Variants in TTLL11 observed in about 807,000 individuals in gnomAD.
TTLL11 encodes the protein tubulin polyglutamylase TTLL11.
In TTLL11, 42 loss-of-function variants were observed where a neutral mutation model predicts 51.7. That is an observed-to-expected ratio of 0.81 (90% CI 0.64 to 1.05). The LOEUF (loss-of-function observed/expected upper bound fraction) is 1.05. TTLL11 is among the 50% of genes least tolerant of loss of function. The pLI is 0.00. For synonymous variants in TTLL11, 381 were observed against 383.5 expected, an observed-to-expected ratio of 0.99 and a Z score of 0.08; for missense variants, 799 against 940.4, an observed-to-expected ratio of 0.85 and a Z score of 1.97.
intron 4 of TTLL11, among the ~76,000 whole-genome samples, chr9:121,982,027 C>G (rs973813484): frequency 6.6e-6 from 1 of 152,216 alleles, no homozygotes; most frequent in Non-Finnish European, 1.5e-5. Flanking sequence ...TTCTGGAGCT[C>G]TTTTCCTGCT....
intron 6 of TTLL11, among the ~76,000 whole-genome samples, chr9:121,959,888 T>C (rs911568282): frequency 2.0e-5 from 3 of 152,000 alleles, no homozygotes; most frequent in African/African-American, 7.2e-5. Context: ...GTATTATACA[T>C]TGGACTTCTT....
At chr9:121,871,769 T>A (rs963046822) in intron 6 of TTLL11, among the ~76,000 whole-genome samples, 2 of 152,168 alleles carry the variant, frequency 1.3e-5, no homozygotes, top group Non-Finnish European at 2.9e-5. Context: ...AGGCACACAG[T>A]TCCAGCCCAA....
intron 8 of TTLL11, among the ~76,000 whole-genome samples, chr9:121,824,391 G>A (rs1188425415): frequency 4.0e-5 from 6 of 149,382 alleles, no homozygotes; most frequent in Admixed American, 6.8e-5. Flanking sequence ...AGGGGGAAAC[G>A]CTTGAACCAG....
At chr9:121,826,770 G>C (rs1449396235) in intron 8 of TTLL11, among the ~76,000 whole-genome samples, 2 of 151,726 alleles carry the variant, frequency 1.3e-5, no homozygotes, top group African/African-American at 2.4e-5. Context: ...CTAGGGGTTG[G>C]GGGCATCGGT....
chr9:121,879,707 C>T (rs1838703767), intron 6 of TTLL11, among the ~76,000 whole-genome samples: 1 of 151,850 alleles, frequency 6.6e-6, no homozygotes, highest in Non-Finnish European at 1.5e-5. Context: ...TGGCTCAAGC[C>T]TATAATCCTA....
intron 3 of TTLL11, among the ~76,000 whole-genome samples, chr9:122,017,561 C>T (rs1844024855): frequency 6.8e-6 from 1 of 146,986 alleles, no homozygotes; most frequent in Non-Finnish European, 1.5e-5. Flanking sequence ...CTTCCTGTTT[C>T]AAACAATTCT....
chr9:121,835,754 G>A lies in TTLL11; in HGVS notation c.1841-12875C>T, dbSNP rs148508004. Among the ~76,000 whole-genome samples the A allele has an allele frequency of 3.9e-3, 593 of 152,284 alleles. 7 individuals are homozygous for A. The highest frequency in any genetic ancestry group is 0.013 in the African/African-American group (560 of 41,552). ...AGGTCTCAGTCCAGTCCCATCCAAC[G>A]TCACCCCTGATTCCATCATGACACG... is the stretch of plus-strand genomic sequence containing the variant. On this transcript the variant is annotated intron_variant, in intron 8 of 8. Coordinates refer to ENST00000321582, the MANE Select transcript of TTLL11 (RefSeq NM_001139442.2).
At chr9:121,996,166 G>A (rs775761362) in intron 3 of TTLL11, among the ~76,000 whole-genome samples, 1 of 152,168 alleles carries the variant, frequency 6.6e-6, no homozygotes, top group Non-Finnish European at 1.5e-5. Context: ...TTCCTTGGCA[G>A]CCAGCACCAA....
chr9:122,082,584 A>G (rs1846026946), intron 1 of TTLL11, among the ~76,000 whole-genome samples: 1 of 152,164 alleles, frequency 6.6e-6, no homozygotes, highest in Non-Finnish European at 1.5e-5. Context: ...ACATAGAAAC[A>G]ACATCCGTCA....
At chr9:121,953,724 C>T (rs534156644) in intron 6 of TTLL11, among the ~76,000 whole-genome samples, 24 of 151,804 alleles carry the variant, frequency 1.6e-4, no homozygotes, top group African/African-American at 5.3e-4. Flanking sequence ...GAGACCAACC[C>T]CTCCCCCAAA....
At chr9:122,072,983 G>C (rs1241647406) in intron 1 of TTLL11, among the ~76,000 whole-genome samples, 1 of 152,208 alleles carries the variant, frequency 6.6e-6, no homozygotes, top group Non-Finnish European at 1.5e-5. Context: ...TTTGAGGAAT[G>C]AATGAGAAAA....
In TTLL11 at chr9:121,822,794, G is replaced by A. The variant is rs1281423304; in HGVS notation, c.1926C>T (p.Ala642=). 4 of 1,551,698 alleles carry A rather than the reference G, an allele frequency of 2.6e-6. No homozygotes were observed. Among genetic ancestry groups the A allele is most frequent in the South Asian group, 2.4e-5 (2 of 84,060 alleles). The change falls in exon 9 of 9, where the codon GCC becomes GCT. Residue 642 remains alanine, a synonymous_variant. Coordinates refer to ENST00000321582, the MANE Select transcript of TTLL11 (RefSeq NM_001139442.2). The surrounding 1 kb of genome is among the most constrained non-coding windows in gnomAD (Gnocchi z 5.8). ...GGTACTCGCAAAGGTCAATCAGTGAGGCCACCTGCTCATGAAGTGGCAGCA... is the reference window on the plus strand; with the variant it reads ...GGTACTCGCAAAGGTCAATCAGTGAAGCCACCTGCTCATGAAGTGGCAGCA... ...FKMLPLHEQV[A]SLIDLCEYHL... is the part of the protein sequence containing the mutation.
chr9:121,975,779 C>T (rs1021400121), intron 4 of TTLL11, among the ~76,000 whole-genome samples: 6 of 152,074 alleles, frequency 3.9e-5, no homozygotes, highest in Non-Finnish European at 8.8e-5. Context: ...TAGAGCGGAA[C>T]CCAGGTGAAT....
intron 6 of TTLL11, among the ~76,000 whole-genome samples, chr9:121,903,747 T>G (rs1218054488): frequency 1.3e-5 from 2 of 152,200 alleles, no homozygotes; most frequent in South Asian, 4.1e-4. Context: ...GTGGCTGGTA[T>G]AAGGCAGTCA....
intron 7 of TTLL11, among the ~76,000 whole-genome samples, chr9:121,867,339 C>T (rs1353807870): frequency 1.3e-5 from 2 of 152,164 alleles, no homozygotes; most frequent in African/African-American, 2.4e-5. Context: ...CCTTTAGACA[C>T]GGGATGTGCT....
chr9:122,014,852 CTGAA>C (rs768598154), intron 3 of TTLL11, among the ~76,000 whole-genome samples: 11 of 152,154 alleles, frequency 7.2e-5, no homozygotes, highest in Non-Finnish European at 7.3e-5. Flanking sequence ...AAATGTCCAA[CTGAA>C]TGAATGAATG....
chr9:121,914,156 C>A (rs1290084653), intron 6 of TTLL11, among the ~76,000 whole-genome samples: 1 of 152,164 alleles, frequency 6.6e-6, no homozygotes, highest in Non-Finnish European at 1.5e-5. Flanking sequence ...AAGCTATGGC[C>A]CTTGGGTCAA....
At chr9:121,954,583 G>A (rs1187245014) in intron 6 of TTLL11, among the ~76,000 whole-genome samples, 1 of 152,134 alleles carries the variant, frequency 6.6e-6, no homozygotes, top group East Asian at 1.9e-4. Flanking sequence ...TCTGAATGCA[G>A]GGGAGAAGCA....
intron 1 of TTLL11, among the ~76,000 whole-genome samples, chr9:122,061,080 C>A (rs1181114300): frequency 1.3e-5 from 2 of 152,192 alleles, no homozygotes; most frequent in African/African-American, 4.8e-5. Flanking sequence ...TGGATGCCAG[C>A]AGCCCTTGGC....
Sources: gnomAD v4.1 joint callset for allele counts (sites outside exome capture counted in the v4.1 genomes callset) on GRCh38, gnomAD v4.1.1 for gene constraint, Gnocchi (gnomAD v3.1) non-coding constraint, MANE v1.5 for transcripts, NCBI Gene and HGNC (gene_info 2026-07-23, HGNC 2026-07-21) for gene names.